Variants in PDE1C observed in about 807,000 individuals in gnomAD.
The protein encoded by PDE1C is phosphodiesterase 1C.
Under a neutral mutation model 93.1 loss-of-function variants are expected in PDE1C, and 62 were observed. The ratio of observed to expected loss-of-function variants is 0.67; its 90% confidence interval spans 0.54 to 0.82. The LOEUF is 0.82. Ranked by LOEUF, PDE1C falls within the 40% of genes least tolerant of loss-of-function variation. The pLI is 0.00. For synonymous variants in PDE1C, 325 were observed against 310.1 expected (o/e 1.05, Z -0.50); for missense variants, 742 against 884.6 (o/e 0.84, Z 2.04).
chr7:32,338,832 T>C (rs1195777399), intron 1 of PDE1C, among the ~76,000 whole-genome samples: 2 of 151,964 alleles, frequency 1.3e-5, no homozygotes, highest in East Asian at 3.9e-4. Context: ...TGAAACCCCG[T>C]CTCTACTAAA....
intron 16 of PDE1C, chr7:31,787,753 C>T (rs923084716): frequency 1.3e-5 from 2 of 152,136 alleles, no homozygotes; most frequent in Non-Finnish European, 2.9e-5. Context: ...TTGAAGAAAG[C>T]TATTTCAAGG....
chr7:32,365,945 C>T (rs769109178), intron 1 of PDE1C, among the ~76,000 whole-genome samples: 1 of 152,148 alleles, frequency 6.6e-6, no homozygotes, highest in African/African-American at 2.4e-5. Flanking sequence ...CACTACAAAA[C>T]CTGCTCCATA....
Position 32,005,555 on chromosome 7 carries a change from CAAAAAAAA to C in PDE1C, c.128+45991_128+45998del, listed in dbSNP as rs59246166. On this transcript the variant is annotated intron_variant, in intron 2 of 17. Transcript: ENST00000396191. ...TGGGCGACAGAGCGAGACTCCATTT[CAAAAAAAA>C]AAAAAAAAAAAAAAAAAAGAATTGT... is the stretch of plus-strand genomic sequence containing the variant. Among the ~76,000 whole-genome samples, 9 of 50,762 alleles carry C rather than the reference CAAAAAAAA, an allele frequency of 1.8e-4. 1 individual carries two copies. Among genetic ancestry groups the C allele is most frequent in the South Asian group, 7.0e-4 (1 of 1,438 alleles). The allele number at this position is 50,762 out of a possible 152,430, so 33.3% of individuals were successfully genotyped here. A position where few individuals can be genotyped will look rare whatever the true frequency, so the allele number is the denominator to read the frequency against.
chr7:32,153,773 C>T (rs1801401047), intron 3 of PDE1C, among the ~76,000 whole-genome samples: 1 of 152,180 alleles, frequency 6.6e-6, no homozygotes, highest in South Asian at 2.1e-4. Context: ...CTGGTGGCTG[C>T]TGGTGTTGCC....
intron 13 of PDE1C, among the ~76,000 whole-genome samples, chr7:31,824,210 ATC>A (rs1296960413): frequency 6.6e-6 from 1 of 152,168 alleles, no homozygotes; most frequent in East Asian, 1.9e-4. Flanking sequence ...GTAGTAGTAT[ATC>A]TAATAAAGAC....
intron 2 of PDE1C, among the ~76,000 whole-genome samples, chr7:31,974,225 A>G (rs1354304003): frequency 6.6e-6 from 1 of 152,168 alleles, no homozygotes; most frequent in Non-Finnish European, 1.5e-5. Flanking sequence ...AACATCCTAA[A>G]TGATTTTTAT....
intron 6 of PDE1C, among the ~76,000 whole-genome samples, chr7:31,872,918 TG>T (rs1796115234): frequency 6.6e-6 from 1 of 152,030 alleles, no homozygotes; most frequent in African/African-American, 2.4e-5. Context: ...AGACAGCAGA[TG>T]TTCACTCTGT....
the PDE1C span, among the ~76,000 whole-genome samples, chr7:31,624,670 T>C: frequency 6.6e-6 from 1 of 150,388 alleles, no homozygotes; most frequent in East Asian, 1.9e-4. Context: ...ATAAAAACCC[T>C]AGAAGAAAAC....
chr7:32,195,223 T>A (rs1400092175), intron 2 of PDE1C, among the ~76,000 whole-genome samples: 1 of 152,248 alleles, frequency 6.6e-6, no homozygotes, highest in Non-Finnish European at 1.5e-5. Context: ...ACTGTGTTCT[T>A]TCTTCCTTTC....
chr7:31,906,176 C>T (rs1800565458), intron 2 of PDE1C, among the ~76,000 whole-genome samples: 1 of 152,166 alleles, frequency 6.6e-6, no homozygotes, highest in Non-Finnish European at 1.5e-5. Flanking sequence ...TAACGATAAC[C>T]TTCTTCTCTT....
intron 1 of PDE1C, among the ~76,000 whole-genome samples, chr7:32,359,493 C>T (rs910109341): frequency 2.6e-5 from 4 of 152,156 alleles, no homozygotes; most frequent in Admixed American, 6.5e-5. Flanking sequence ...GGAGACTTTG[C>T]CTGCCTTGTT....
Position 32,298,466 on chromosome 7 carries a change from G to A in PDE1C, c.85+185C>T, listed in dbSNP as rs533788490. Among the ~76,000 whole-genome samples, 6 of 152,108 alleles carry A rather than the reference G, an allele frequency of 3.9e-5. No homozygotes were observed. In the East Asian group the frequency reaches 9.7e-4, roughly 25 times the overall value. ...GGAGCCCGCGAGGGGTGCCGGGGGG[G>A]ACAGCCCAGGGTGCGGCTTCTGTCC... On this transcript the variant is annotated intron_variant, in intron 1 of 18. Transcript: ENST00000396193.
the PDE1C span, among the ~76,000 whole-genome samples, chr7:31,725,159 A>G: frequency 6.6e-6 from 1 of 151,610 alleles, no homozygotes; most frequent in Non-Finnish European, 1.5e-5. Flanking sequence ...CGCATCTCCC[A>G]CTTGTGTTGC....
the PDE1C span, chr7:31,696,899 C>T: frequency 6.6e-7 from 1 of 1,526,492 alleles, no homozygotes; most frequent in Non-Finnish European, 8.9e-7. Flanking sequence ...TAAATATGCA[C>T]AGTCCTCATA....
intron 2 of PDE1C, among the ~76,000 whole-genome samples, chr7:31,969,536 T>G (rs1376291081): frequency 6.6e-6 from 1 of 152,222 alleles, no homozygotes; most frequent in Non-Finnish European, 1.5e-5. Context: ...ATTTTTACAC[T>G]GTTGGGAGGA....
chr7:32,183,249 C>T (rs566645938), intron 2 of PDE1C, among the ~76,000 whole-genome samples: 2,114 of 151,686 alleles, frequency 0.014, 38 homozygotes, highest in Non-Finnish European at 0.016. Flanking sequence ...AGATTCAATG[C>T]CATCCCCATA....
the PDE1C span, among the ~76,000 whole-genome samples, chr7:31,742,802 A>T: frequency 6.6e-6 from 1 of 152,204 alleles, no homozygotes; most frequent in Non-Finnish European, 1.5e-5. Flanking sequence ...AGCCAATCAA[A>T]CTGCTCACTG....
chr7:32,369,045 A>C (rs535161263), intron 1 of PDE1C, among the ~76,000 whole-genome samples: 1 of 152,316 alleles, frequency 6.6e-6, no homozygotes, highest in South Asian at 2.1e-4. Context: ...AACTACTAGA[A>C]GAAAACTTAG....
intron 2 of PDE1C, among the ~76,000 whole-genome samples, chr7:31,913,334 TA>T (rs1401343671): frequency 6.6e-6 from 1 of 152,092 alleles, no homozygotes; most frequent in Non-Finnish European, 1.5e-5. Context: ...AACAGAGAAG[TA>T]ATCACCAAGA....
Sources: gnomAD v4.1 joint callset for allele counts (sites outside exome capture counted in the v4.1 genomes callset) on GRCh38, gnomAD v4.1.1 for gene constraint, MANE v1.5 for transcripts, NCBI Gene and HGNC (gene_info 2026-07-23, HGNC 2026-07-21) for gene names.